KIAA1217: variants seen among roughly 807,000 people sequenced by gnomAD.
KIAA1217 encodes sickle tail protein homolog.
KIAA1217 carries 88 observed loss-of-function variants against 163.9 expected under a neutral mutation model. That is an observed-to-expected ratio of 0.54 (90% CI 0.45 to 0.64). The LOEUF (loss-of-function observed/expected upper bound fraction) is 0.64. KIAA1217 is among the 30% of genes least tolerant of loss of function. The pLI is 0.00. For missense variants in KIAA1217, 2,372 were observed against 2,475.0 expected (o/e 0.96, Z 0.88); for synonymous variants, 903 against 923.1 (o/e 0.98, Z 0.39).
At chr10:24,186,292 C>G (rs547925439) in intron 2 of KIAA1217, among the ~76,000 whole-genome samples, 66 of 152,130 alleles carry the variant, frequency 4.3e-4, no homozygotes, top group Non-Finnish European at 7.2e-4. Flanking sequence ...TTTGAAAATC[C>G]TCTGGTTTTA....
At chr10:24,128,350 G>T (rs554796251) in intron 2 of KIAA1217, among the ~76,000 whole-genome samples, 53 of 152,196 alleles carry the variant, frequency 3.5e-4, no homozygotes, top group African/African-American at 1.2e-3. Context: ...ATCAAGCCTG[G>T]GTTGCACCCT....
intron 2 of KIAA1217, among the ~76,000 whole-genome samples, chr10:24,186,125 A>ATGGT (rs1412414584): frequency 6.6e-6 from 1 of 152,018 alleles, no homozygotes; most frequent in Non-Finnish European, 1.5e-5. Context: ...TCATCATTCT[A>ATGGT]TGGTTGTCTT....
upstream of KIAA1217, among the ~76,000 whole-genome samples, chr10:24,207,379 A>T (rs1311596368): frequency 6.6e-6 from 1 of 151,868 alleles, no homozygotes; most frequent in African/African-American, 2.4e-5. Flanking sequence ...CAAATACACA[A>T]CAGTATACAA....
chr10:23,798,196 C>T (rs1012378209), intron 1 of KIAA1217, among the ~76,000 whole-genome samples: 3 of 152,140 alleles, frequency 2.0e-5, no homozygotes, highest in African/African-American at 7.2e-5. Context: ...CAGCATTTTG[C>T]ATTCTATGGG....
At chr10:23,796,531 T>G (rs1294716486) in intron 1 of KIAA1217, among the ~76,000 whole-genome samples, 2 of 151,928 alleles carry the variant, frequency 1.3e-5, no homozygotes, top group African/African-American at 4.8e-5. Flanking sequence ...ACTGGTTAAT[T>G]TTTGTATTTT....
rs746398253 is a variant in KIAA1217 at position 24,380,895 on chromosome 10, T to C, written c.381T>C (p.Ser127=). The C allele has an allele frequency of 6.3e-6, 10 of 1,589,354 alleles. No homozygotes were observed. Among genetic ancestry groups the C allele is most frequent in the Admixed American group, 1.8e-5 (1 of 56,474 alleles). Residue 127 remains serine, a synonymous_variant, in exon 3 of 21, where the codon AGT becomes AGC. Coordinates refer to ENST00000376454, the MANE Select transcript of KIAA1217 (RefSeq NM_019590.5). ...CAAGGAGCCCCAAACTGTCTCACAG[T>C]CCTCAACCACCCAGTCTGGGTGACC... is the stretch of plus-strand genomic sequence containing the variant. ...DQTRSPKLSH[S]PQPPSLGDPV...
Position 24,542,306 on chromosome 10 carries a change from G to A in KIAA1217, c.3535-387G>A, listed in dbSNP as rs148908978. ...CAGTTTAGTGGCAGATCTTGATTAG[G>A]ATCAAAACTTTCTGTCAGCCCATAC... On this transcript the variant is annotated intron_variant, in intron 17 of 20. Coordinates refer to ENST00000376454, the MANE Select transcript of KIAA1217 (RefSeq NM_019590.5). The A allele has an allele frequency of 4.2e-5, 9 of 214,640 alleles. No homozygotes were observed. The East Asian group carries it at 9.8e-4, about 23-fold the overall frequency. 13.3% of individuals were successfully genotyped at this position (214,640 alleles called of 1,614,324 possible). A position where few individuals can be genotyped will look rare whatever the true frequency, so the allele number is the denominator to read the frequency against.
intron 1 of KIAA1217, among the ~76,000 whole-genome samples, chr10:23,842,660 G>C (rs1395363931): frequency 6.6e-6 from 1 of 152,024 alleles, no homozygotes; most frequent in East Asian, 1.9e-4. Flanking sequence ...TAATTACATG[G>C]TGGTGAATGA....
rs1261277726 is a variant in KIAA1217, at chr10:24,531,996, C to A, written c.3246+3C>A. 6 of 1,538,060 alleles carry A rather than the reference C, an allele frequency of 3.9e-6. No homozygotes were observed. The highest frequency in any genetic ancestry group is 2.6e-6 in the Non-Finnish European group (3 of 1,134,350). On this transcript the variant is annotated splice_donor_region_variant and intron_variant, in intron 15 of 20. Transcript: ENST00000376454. ...GAAAGGAGAACATCACCGCTAAGGT[C>A]TGATAGGCTAAGCCCTGGTAAACTG...
intron 2 of KIAA1217, among the ~76,000 whole-genome samples, chr10:24,090,167 T>G (rs1421488010): frequency 1.4e-4 from 16 of 112,958 alleles, no homozygotes; most frequent in African/African-American, 8.1e-4. Flanking sequence ...TCTTTTTCTT[T>G]TTTTTTTTTT....
chr10:24,447,702 C>G (rs960667806), intron 5 of KIAA1217, among the ~76,000 whole-genome samples: 3 of 152,144 alleles, frequency 2.0e-5, no homozygotes, highest in African/African-American at 7.2e-5. Flanking sequence ...CTACTAAGAG[C>G]GATACAGTGA....
At chr10:23,858,545 A>G (rs150149680) in intron 1 of KIAA1217, among the ~76,000 whole-genome samples, 48 of 152,176 alleles carry the variant, frequency 3.2e-4, no homozygotes, top group African/African-American at 1.1e-3. Context: ...AGATATCAGT[A>G]TCATTGCTTG....
At chr10:23,923,639 A>G (rs1051454892) in intron 1 of KIAA1217, among the ~76,000 whole-genome samples, 5 of 135,220 alleles carry the variant, frequency 3.7e-5, no homozygotes, top group South Asian at 2.1e-4. Flanking sequence ...GCAAGCCACA[A>G]CAACAGGTCA....
chr10:24,350,871 G>C (rs59992803), intron 2 of KIAA1217, among the ~76,000 whole-genome samples: 4,165 of 151,388 alleles, frequency 0.028, 186 homozygotes, highest in African/African-American at 0.095. Flanking sequence ...TAATTGCAAG[G>C]GTCGTTTTCA....
At chr10:23,826,566 A>G (rs779128227) in intron 1 of KIAA1217, among the ~76,000 whole-genome samples, 1 of 152,120 alleles carries the variant, frequency 6.6e-6, no homozygotes, top group African/African-American at 2.4e-5. Flanking sequence ...TGCTTGGTTT[A>G]TGACTCCTCC....
At chr10:24,499,043 C>T (rs939228772) in intron 8 of KIAA1217, among the ~76,000 whole-genome samples, 1 of 152,174 alleles carries the variant, frequency 6.6e-6, no homozygotes, top group African/African-American at 2.4e-5. Context: ...CAGAAGGTAG[C>T]ACAGTGTCAT....
chr10:23,865,602 T>A (rs2131146169), intron 1 of KIAA1217, among the ~76,000 whole-genome samples: 1 of 147,246 alleles, frequency 6.8e-6, no homozygotes, highest in African/African-American at 2.6e-5. Flanking sequence ...CCAAACTGCC[T>A]TTTTTTTTAT....
chr10:24,067,855 C>T (rs1213727359), intron 2 of KIAA1217, among the ~76,000 whole-genome samples: 6 of 152,200 alleles, frequency 3.9e-5, no homozygotes, highest in African/African-American at 1.4e-4. Flanking sequence ...GGTGCCCCTC[C>T]CCCAGCCTCA....
chr10:24,012,132 T>C (rs1320788176), intron 2 of KIAA1217, among the ~76,000 whole-genome samples: 2 of 152,148 alleles, frequency 1.3e-5, no homozygotes, highest in African/African-American at 4.8e-5. Flanking sequence ...TGTAGACAGG[T>C]GGTGCTGGTT....
Sources: gnomAD v4.1 joint callset for allele counts (sites outside exome capture counted in the v4.1 genomes callset) on GRCh38, gnomAD v4.1.1 for gene constraint, MANE v1.5 for transcripts, NCBI Gene and HGNC (gene_info 2026-07-23, HGNC 2026-07-21) for gene names.